The following DSE variants were observed in gnomAD, a reference collection of about 807,000 sequenced individuals.
DSE encodes dermatan-sulfate epimerase.
In DSE, 36 loss-of-function variants were observed where a neutral mutation model predicts 84.4. The ratio of observed to expected loss-of-function variants is 0.43; its 90% CI spans 0.33 to 0.56. The LOEUF is 0.56. DSE is among the 20% of genes least tolerant of loss of function. The probability of loss-of-function intolerance (pLI) is 0.06; values close to 1 mark genes in which losing one functional copy is unlikely to be tolerated. For missense variants in DSE, 862 were observed against 1,169.6 expected, an observed-to-expected ratio of 0.74 and a Z score of 3.84; for synonymous variants, 410 against 430.1, an observed-to-expected ratio of 0.95 and a Z score of 0.58.
At chr6:116,322,200 C>CA (rs201572240) in intron 2 of DSE, among the ~76,000 whole-genome samples, 5,944 of 152,190 alleles carry the variant, frequency 0.039, 401 homozygotes, top group African/African-American at 0.13. Flanking sequence ...CAGTGCATTT[C>CA]TATACAATGT....
chr6:116,381,857 G>A (rs1426557941), intron 1 of DSE, among the ~76,000 whole-genome samples: 1 of 152,146 alleles, frequency 6.6e-6, no homozygotes, highest in African/African-American at 2.4e-5. Flanking sequence ...TTGTCTTACA[G>A]TGGTGGAGGC....
At chr6:116,323,920 AT>A (rs2114769891) in intron 2 of DSE, among the ~76,000 whole-genome samples, 1 of 152,176 alleles carries the variant, frequency 6.6e-6, no homozygotes, top group Non-Finnish European at 1.5e-5. Context: ...GCCAGGATAT[AT>A]TTTTAATGGC....
intron 1 of DSE, among the ~76,000 whole-genome samples, chr6:116,395,647 G>A (rs1219961699): frequency 1.3e-5 from 2 of 152,108 alleles, no homozygotes; most frequent in Non-Finnish European, 2.9e-5. Context: ...CAGGTTTGAT[G>A]TGGTATAGTT....
intron 2 of DSE, among the ~76,000 whole-genome samples, chr6:116,325,373 C>T (rs1776558695): frequency 6.6e-6 from 1 of 152,196 alleles, no homozygotes; most frequent in Non-Finnish European, 1.5e-5. Flanking sequence ...TACATAATCT[C>T]CAAAGTTCCA....
At chr6:116,371,528 C>G (rs868694896) in intron 1 of DSE, among the ~76,000 whole-genome samples, 1 of 152,202 alleles carries the variant, frequency 6.6e-6, no homozygotes, top group African/African-American at 2.4e-5. Context: ...GGTGGCACAC[C>G]CTCGCGTCCT....
At chr6:116,360,685 T>C (rs1778838031) in intron 2 of DSE, among the ~76,000 whole-genome samples, 1 of 152,236 alleles carries the variant, frequency 6.6e-6, no homozygotes, top group Non-Finnish European at 1.5e-5. Context: ...AGTCAGATGC[T>C]CAAATACCAC....
chr6:116,293,641 T>C (rs1484670809), intron 2 of DSE, among the ~76,000 whole-genome samples: 10 of 152,148 alleles, frequency 6.6e-5, no homozygotes, highest in Non-Finnish European at 1.2e-4. Context: ...GTAGCTCACA[T>C]CTATAATCTT....
At chr6:116,326,236 C>T (rs1776613087) in intron 2 of DSE, among the ~76,000 whole-genome samples, 1 of 151,948 alleles carries the variant, frequency 6.6e-6, no homozygotes, top group Admixed American at 6.6e-5. Context: ...GAAGACAGGC[C>T]TCATCCTAGA....
intron 1 of DSE, chr6:116,256,020 T>C (rs1187937430): frequency 6.6e-6 from 1 of 152,260 alleles, no homozygotes; most frequent in Non-Finnish European, 1.5e-5. Flanking sequence ...ACTCAGTTCA[T>C]GTAGATTGTA....
intron 1 of DSE, among the ~76,000 whole-genome samples, chr6:116,395,567 C>A (rs1462023106): frequency 6.6e-6 from 1 of 152,086 alleles, no homozygotes; most frequent in African/African-American, 2.4e-5. Context: ...TTGCCATATC[C>A]ATTTACTTTT....
chr6:116,382,519 A>G (rs1352677412), intron 1 of DSE, among the ~76,000 whole-genome samples: 1 of 152,156 alleles, frequency 6.6e-6, no homozygotes, highest in Non-Finnish European at 1.5e-5. Flanking sequence ...TTCCAGCATG[A>G]CATTCCCTGT....
Position 116,435,857 on chromosome 6 carries a change from T to C in DSE, c.1389T>C (p.Asn463=). ...PDQNSFTFAP[N]GVPFITEALY... is the part of the protein sequence containing the mutation. ...AAAACTCATTTACTTTTGCTCCCAA[T>C]GGTGTGCCTTTCATTACTGAGGCTC... is the stretch of plus-strand genomic sequence containing the variant. The change falls in exon 6 of 6, where the codon AAT becomes AAC. Residue 463 remains asparagine (N), a synonymous_variant. Coordinates refer to ENST00000644252, the MANE Select transcript of DSE (RefSeq NM_013352.4). 6.2e-7 allele frequency: 1 copy of C among 1,614,178 alleles called. No homozygotes were observed. The highest frequency in any genetic ancestry group is 8.5e-7 in the Non-Finnish European group (1 of 1,180,026).
chr6:116,428,309 G>C (rs1235066317), intron 3 of DSE, among the ~76,000 whole-genome samples: 2 of 152,148 alleles, frequency 1.3e-5, no homozygotes, highest in African/African-American at 4.8e-5. Context: ...ACACCATCAT[G>C]AAATGGTGAA....
intron 1 of DSE, among the ~76,000 whole-genome samples, chr6:116,373,071 A>AAG (rs35941657): frequency 1.4e-5 from 2 of 141,432 alleles, no homozygotes; most frequent in Admixed American, 7.1e-5. Flanking sequence ...AAAAAAAAAA[A>AAG]GGGCTGGGTG....
At chr6:116,334,686 G>A (rs1221033253) in intron 2 of DSE, among the ~76,000 whole-genome samples, 1 of 151,864 alleles carries the variant, frequency 6.6e-6, no homozygotes, top group Non-Finnish European at 1.5e-5. Flanking sequence ...ACTCCATCTT[G>A]AGGAACTTAA....
chr6:116,262,050 A>T (rs1562189117), intron 2 of DSE, among the ~76,000 whole-genome samples: 1 of 152,106 alleles, frequency 6.6e-6, no homozygotes, highest in Non-Finnish European at 1.5e-5. Flanking sequence ...ATTGGCCTGA[A>T]ATTTTCTCTT....
At chr6:116,303,183 T>A (rs1401070833) in intron 2 of DSE, among the ~76,000 whole-genome samples, 12 of 152,148 alleles carry the variant, frequency 7.9e-5, no homozygotes, top group Admixed American at 7.9e-4. Flanking sequence ...AATTTCTCTT[T>A]ACCTCCACCC....
chr6:116,425,767 C>T (rs951026522), intron 2 of DSE, among the ~76,000 whole-genome samples: 6 of 151,228 alleles, frequency 4.0e-5, no homozygotes, highest in East Asian at 1.9e-4. Context: ...GGACTACAGG[C>T]GCCCGCCAAC....
At chr6:116,299,800 A>G (rs895429111) in intron 2 of DSE, among the ~76,000 whole-genome samples, 6 of 151,998 alleles carry the variant, frequency 3.9e-5, no homozygotes, top group African/African-American at 1.2e-4. Context: ...TAATGTTGAA[A>G]TGGTTAATTC....
Sources: gnomAD v4.1 joint callset for allele counts (sites outside exome capture counted in the v4.1 genomes callset) on GRCh38, gnomAD v4.1.1 for gene constraint, MANE v1.5 for transcripts, NCBI Gene and HGNC (gene_info 2026-07-23, HGNC 2026-07-21) for gene names.